Variants in KLF8 observed in about 807,000 individuals in gnomAD.
KLF8 encodes the protein KLF transcription factor 8, also known as Krueppel-like factor 8.
A neutral mutation model predicts 18.2 loss-of-function variants in KLF8; 10 were observed. That is an observed-to-expected ratio of 0.55 (90% confidence interval 0.34 to 0.93). The LOEUF (loss-of-function observed/expected upper bound fraction) is 0.93, where lower values mean the gene tolerates loss of function less well. Ranked by LOEUF, KLF8 falls within the 40% of genes least tolerant of loss-of-function variation. The pLI is 0.02. For missense variants in KLF8, 264 were observed against 277.9 expected (o/e 0.95, Z 0.36); for synonymous variants, 109 against 97.3 (o/e 1.12, Z -0.71).
chrX:56,189,788 C>T, the KLF8 span, among the ~76,000 whole-genome samples: 1 of 99,206 alleles, frequency 1.0e-5, no homozygotes, highest in African/African-American at 3.8e-5. Flanking sequence ...CCAAACACCA[C>T]ATGTTCTCAC....
the KLF8 span, among the ~76,000 whole-genome samples, chrX:55,964,341 C>G: frequency 8.9e-6 from 1 of 111,994 alleles, no homozygotes. Context: ...TTTGGGAGGC[C>G]AAGACAGGTG....
At chrX:55,956,485 C>G in the KLF8 span, among the ~76,000 whole-genome samples, 3 of 111,315 alleles carry the variant, frequency 2.7e-5, no homozygotes, top group African/African-American at 9.8e-5. Context: ...TGCTGTTTTC[C>G]GTAAGGCTTG....
the KLF8 span, among the ~76,000 whole-genome samples, chrX:56,157,392 A>T: frequency 9.1e-6 from 1 of 110,064 alleles, no homozygotes; most frequent in Non-Finnish European, 1.9e-5. Context: ...AATAAAAATA[A>T]AATTAAAAAA....
At chrX:55,930,882 G>T in the KLF8 span, among the ~76,000 whole-genome samples, 1 of 112,015 alleles carries the variant, frequency 8.9e-6, no homozygotes, top group South Asian at 3.7e-4. Context: ...TTGGTATCAG[G>T]ATGATGCTGG....
At chrX:56,171,697 T>G in the KLF8 span, among the ~76,000 whole-genome samples, 5 of 111,812 alleles carry the variant, frequency 4.5e-5, no homozygotes, top group African/African-American at 9.7e-5. Flanking sequence ...ACAAAGGACA[T>G]GAACTCATCC....
At chrX:56,242,062 A>T (rs1376112186) in intron 1 of KLF8, among the ~76,000 whole-genome samples, 4 of 112,407 alleles carry the variant, frequency 3.6e-5, no homozygotes, top group Non-Finnish European at 7.5e-5. Context: ...GAGTTTATTG[A>T]GCTTCATCTC....
the KLF8 span, among the ~76,000 whole-genome samples, chrX:55,969,529 G>A: frequency 9.0e-6 from 1 of 111,445 alleles, no homozygotes; most frequent in Non-Finnish European, 1.9e-5. Context: ...ATTTAATGAT[G>A]CATCTTGAAG....
chrX:56,248,429 C>G (rs1352942710), intron 1 of KLF8, among the ~76,000 whole-genome samples: 2 of 111,709 alleles, frequency 1.8e-5, no homozygotes, highest in Non-Finnish European at 3.8e-5. Flanking sequence ...CGTGTTACCC[C>G]CTCTTTTGGC....
At chrX:56,070,061 C>T in the KLF8 span, among the ~76,000 whole-genome samples, 1 of 112,426 alleles carries the variant, frequency 8.9e-6, no homozygotes, top group Admixed American at 9.4e-5. Context: ...CCATGGAATA[C>T]TATGCAGCCA....
chrX:56,265,794 T>G, intron 3 of KLF8, 50 bp downstream of exon 3: 1 of 1,150,667 alleles, frequency 8.7e-7, no homozygotes, highest in Non-Finnish European at 1.2e-6. Flanking sequence ...CTATTCCCTT[T>G]TAGAGTCATC....
chrX:56,173,732 C>A, the KLF8 span, among the ~76,000 whole-genome samples: 1 of 111,832 alleles, frequency 8.9e-6, no homozygotes. Flanking sequence ...TACCCATGAG[C>A]ATGGAATGTT....
At chrX:55,915,811 GCTA>G in the KLF8 span, among the ~76,000 whole-genome samples, 1 of 111,796 alleles carries the variant, frequency 8.9e-6, no homozygotes. Flanking sequence ...ACCAGCTGAA[GCTA>G]GCTTAAACAC....
the KLF8 span, among the ~76,000 whole-genome samples, chrX:55,945,991 C>A: frequency 9.0e-6 from 1 of 111,434 alleles, no homozygotes; most frequent in Non-Finnish European, 1.9e-5. Context: ...AAAGAGGATA[C>A]AAACAAATGG....
At chrX:55,992,369 T>G in the KLF8 span, among the ~76,000 whole-genome samples, 48 of 112,462 alleles carry the variant, frequency 4.3e-4, no homozygotes, top group Admixed American at 1.9e-3. Context: ...ATTTTTCCAT[T>G]GCTTCTTGTT....
At chrX:56,139,860 A>C in the KLF8 span, among the ~76,000 whole-genome samples, 1 of 111,877 alleles carries the variant, frequency 8.9e-6, no homozygotes, top group Non-Finnish European at 1.9e-5. Context: ...ATGGGAGAAT[A>C]CATTTGCAAA....
At chrX:56,224,800 A>T in the KLF8 span, among the ~76,000 whole-genome samples, 1 of 111,814 alleles carries the variant, frequency 8.9e-6, no homozygotes, top group East Asian at 2.8e-4. Context: ...TATACATAAA[A>T]TAAATTTATT....
chrX:56,032,079 G>C, the KLF8 span, among the ~76,000 whole-genome samples: 1 of 111,102 alleles, frequency 9.0e-6, no homozygotes, highest in African/African-American at 3.3e-5. Flanking sequence ...GCCCAGACCT[G>C]GTTTTGGGTC....
chrX:55,994,420 G>C, the KLF8 span, among the ~76,000 whole-genome samples: 1 of 107,322 alleles, frequency 9.3e-6, no homozygotes, highest in Non-Finnish European at 1.9e-5. Flanking sequence ...TCTAAATTTT[G>C]TTCAGTTTAG....
At chrX:56,212,867 C>G in the KLF8 span, among the ~76,000 whole-genome samples, 1 of 111,769 alleles carries the variant, frequency 8.9e-6, no homozygotes, top group Non-Finnish European at 1.9e-5. Flanking sequence ...TTTTTCTATT[C>G]TGCCATCTTG....
Sources: allele counts gnomAD v4.1 joint callset (sites outside exome capture counted in the v4.1 genomes callset), GRCh38; gene constraint gnomAD v4.1.1; transcripts MANE v1.5; gene names NCBI Gene and HGNC (gene_info 2026-07-23, HGNC 2026-07-21).